The following CYP19A1 variants were observed in gnomAD, a reference collection of about 807,000 sequenced individuals.
CYP19A1 encodes the protein cytochrome P450 family 19 subfamily A member 1.
In CYP19A1, 32 loss-of-function variants were observed where a neutral mutation model predicts 44.4. That is an observed-to-expected ratio of 0.72 (90% CI 0.54 to 0.97). The LOEUF (loss-of-function observed/expected upper bound fraction) is 0.97. Ranked by LOEUF, CYP19A1 falls within the 50% of genes least tolerant of loss-of-function variation. The pLI is 0.00. For missense variants in CYP19A1, 598 were observed against 637.8 expected (o/e 0.94, Z 0.67); for synonymous variants, 212 against 215.6 (o/e 0.98, Z 0.14).
At chr15:51,288,194 C>T (rs1364807156) in intron 1 of CYP19A1, among the ~76,000 whole-genome samples, 1 of 152,126 alleles carries the variant, frequency 6.6e-6, no homozygotes, top group Non-Finnish European at 1.5e-5. Flanking sequence ...CCCTTTGCCT[C>T]CTGTCCCCAG....
At chr15:51,247,230 C>G (rs2034101291) in intron 1 of CYP19A1, among the ~76,000 whole-genome samples, 1 of 152,160 alleles carries the variant, frequency 6.6e-6, no homozygotes, top group African/African-American at 2.4e-5. Context: ...CGTTTGCCCT[C>G]TCTGCTTTAT....
intron 1 of CYP19A1, among the ~76,000 whole-genome samples, chr15:51,336,679 A>C (rs2036780866): frequency 6.6e-6 from 1 of 152,226 alleles, no homozygotes; most frequent in Non-Finnish European, 1.5e-5. Flanking sequence ...ATTTGATTTT[A>C]TTCTCCAGAG....
intron 1 of CYP19A1, among the ~76,000 whole-genome samples, chr15:51,327,993 G>A (rs1382633679): frequency 2.6e-5 from 4 of 152,158 alleles, no homozygotes; most frequent in Non-Finnish European, 5.9e-5. Context: ...TGACTACACT[G>A]GAAATCCTAC....
chr15:51,246,676 A>G (rs2034071464), intron 1 of CYP19A1, among the ~76,000 whole-genome samples: 1 of 152,166 alleles, frequency 6.6e-6, no homozygotes, highest in African/African-American at 2.4e-5. Flanking sequence ...CAGATCCCCT[A>G]GTACAGCTAT....
intron 8 of CYP19A1, 138 bp from the exon 9 acceptor site, chr15:51,212,699 G>C (rs1002541162): frequency 2.1e-5 from 14 of 662,186 alleles, no homozygotes; most frequent in Non-Finnish European, 5.4e-6. Flanking sequence ...ATGCACACCA[G>C]CAACCAGGGC....
At chr15:51,309,796 G>A (rs1445749985) in intron 1 of CYP19A1, among the ~76,000 whole-genome samples, 1 of 152,208 alleles carries the variant, frequency 6.6e-6, no homozygotes, top group Non-Finnish European at 1.5e-5. Context: ...TCCACAAGAT[G>A]TCTTGGGAAA....
chr15:51,326,117 G>T (rs574384643), intron 1 of CYP19A1, among the ~76,000 whole-genome samples: 1 of 152,274 alleles, frequency 6.6e-6, no homozygotes, highest in East Asian at 1.9e-4. Context: ...ATCATAAGTT[G>T]AATCATTATA....
Position 51,212,392 on chromosome 15 carries a change from A to G in CYP19A1, c.1191T>C (p.Asn397=). ...ACTCGAGTCTGTGCATCCTTCCAAT[A>G]TTCAGGATAATGTTTGTCCCCTTTT... ...PVKKGTNIIL[N]IGRMHRLEFF... The change falls in exon 9 of 10, where the codon AAT becomes AAC. Residue 397 remains asparagine (N), a synonymous_variant. Transcript: ENST00000396402. 1 of 1,587,038 alleles carries G rather than the reference A, an allele frequency of 6.3e-7. No homozygotes were observed. The highest frequency in any genetic ancestry group is 8.7e-7 in the Non-Finnish European group (1 of 1,155,148).
intron 1 of CYP19A1, among the ~76,000 whole-genome samples, chr15:51,257,481 C>G (rs2034557356): frequency 6.6e-6 from 1 of 152,164 alleles, no homozygotes; most frequent in Non-Finnish European, 1.5e-5. Flanking sequence ...AAACTGGTCT[C>G]CCACAACCTC....
chr15:51,223,193 A>G (rs114336988), intron 4 of CYP19A1, among the ~76,000 whole-genome samples: 2,204 of 152,204 alleles, frequency 0.014, 75 homozygotes, highest in African/African-American at 0.051. Context: ...AGTGACAGCC[A>G]CTCATTAGCA....
chr15:51,257,736 C>G (rs747065329), intron 1 of CYP19A1, among the ~76,000 whole-genome samples: 3 of 150,846 alleles, frequency 2.0e-5, no homozygotes, highest in Non-Finnish European at 4.4e-5. Flanking sequence ...CACTTAAAAA[C>G]AGCAACAACA....
chr15:51,233,391 C>T (rs1183411776), intron 3 of CYP19A1, among the ~76,000 whole-genome samples: 4 of 152,126 alleles, frequency 2.6e-5, no homozygotes, highest in East Asian at 1.9e-4. Context: ...GACCTAGTGA[C>T]GACATATTGC....
Position 51,218,646 on chromosome 15 carries a change from A to T in CYP19A1, c.638T>A (p.Ile213Asn), listed in dbSNP as rs1474318977. The T allele has an allele frequency of 6.2e-7, 1 of 1,612,874 alleles. No individual in the cohort carries two copies. The highest frequency in any genetic ancestry group is 8.5e-7 in the Non-Finnish European group (1 of 1,179,490). ...AAAATAACCTTGGATTTTAACCACG[A>T]TAGCACTTTCTGTAGGAAAAAAAAA... Reference protein sequence around the residue: ...FLRIPLDESAIVVKIQGYFDA... With the variant: ...FLRIPLDESANVVKIQGYFDA... Residue 213 changes from isoleucine (I) to asparagine (N), a missense_variant, in exon 6 of 10, where the codon ATC (isoleucine) becomes AAC (asparagine). By Grantham distance (149) the Ile-to-Asn change is moderately radical. Coordinates refer to ENST00000396402, the MANE Select transcript of CYP19A1 (RefSeq NM_000103.4).
At chr15:51,290,335 T>C (rs2035813858) in intron 1 of CYP19A1, among the ~76,000 whole-genome samples, 1 of 152,252 alleles carries the variant, frequency 6.6e-6, no homozygotes, top group African/African-American at 2.4e-5. Context: ...CATTTACTGT[T>C]TCTGAACTGG....
intron 4 of CYP19A1, among the ~76,000 whole-genome samples, chr15:51,223,431 C>G (rs895822939): frequency 6.6e-6 from 1 of 151,930 alleles, no homozygotes; most frequent in African/African-American, 2.4e-5. Flanking sequence ...CTTTAAGCAT[C>G]TTTTAGGAGT....
chr15:51,326,492 A>G (rs1052350388), intron 1 of CYP19A1, among the ~76,000 whole-genome samples: 1 of 152,240 alleles, frequency 6.6e-6, no homozygotes, highest in African/African-American at 2.4e-5. Flanking sequence ...CTCAACTTTA[A>G]GCATTATAGT....
At chr15:51,266,701 G>A (rs983225163) in intron 1 of CYP19A1, among the ~76,000 whole-genome samples, 4 of 152,162 alleles carry the variant, frequency 2.6e-5, no homozygotes, top group South Asian at 2.1e-4. Flanking sequence ...AAGCAGCCCC[G>A]GACCGTGTGA....
At chr15:51,332,043 A>G (rs942893256) in intron 1 of CYP19A1, among the ~76,000 whole-genome samples, 6 of 152,122 alleles carry the variant, frequency 3.9e-5, no homozygotes, top group Non-Finnish European at 1.5e-5. Context: ...TTCTATTCAC[A>G]TTTAATAATA....
At chr15:51,337,076 G>A (rs1368453446) in intron 1 of CYP19A1, among the ~76,000 whole-genome samples, 1 of 152,188 alleles carries the variant, frequency 6.6e-6, no homozygotes, top group Non-Finnish European at 1.5e-5. Context: ...ATTCAGACGA[G>A]AACCCAAGTT....
Sources: gnomAD v4.1 joint callset for allele counts (sites outside exome capture counted in the v4.1 genomes callset) on GRCh38, gnomAD v4.1.1 for gene constraint, MANE v1.5 for transcripts, NCBI Gene and HGNC (gene_info 2026-07-23, HGNC 2026-07-21) for gene names.